The following CTNNA3 variants were observed in gnomAD, a reference collection of about 807,000 sequenced individuals.
CTNNA3 encodes catenin alpha-3.
In CTNNA3, 76 loss-of-function variants were observed where a neutral mutation model predicts 95.7. The observed-to-expected ratio is 0.79, with a 90% CI of 0.66 to 0.96. CTNNA3 has a LOEUF of 0.96. CTNNA3 is among the 40% of genes least tolerant of loss of function. The pLI is 0.00. For synonymous variants in CTNNA3, 431 were observed against 374.4 expected (o/e 1.15, Z -1.74); for missense variants, 1,191 against 1,089.8 (o/e 1.09, Z -1.31).
chr10:67,193,940 A>G lies in CTNNA3; in HGVS notation c.844-13420T>C, dbSNP rs1470614531. 2.0e-5 allele frequency among the ~76,000 whole-genome samples: 3 copies of G among 152,150 alleles called. No individual in the cohort carries two copies. In the East Asian group the frequency reaches 5.8e-4, roughly 29 times the overall value. On this transcript the variant is annotated intron_variant, in intron 6 of 17. Coordinates refer to ENST00000433211, the MANE Select transcript of CTNNA3 (RefSeq NM_013266.4). ...TTTAGGCTCCCACTAGCTGTGTATAAGTGTTCCCTTTGCTCCACAACCTCG... is the reference window on the plus strand; with the variant it reads ...TTTAGGCTCCCACTAGCTGTGTATAGGTGTTCCCTTTGCTCCACAACCTCG...
chr10:66,029,296 T>C (rs560117140), intron 15 of CTNNA3, among the ~76,000 whole-genome samples: 23 of 152,060 alleles, frequency 1.5e-4, no homozygotes, highest in Non-Finnish European at 3.4e-4. Context: ...TCCCCTGAAA[T>C]AGAGGAAAAG....
chr10:67,043,483 A>G (rs551300561), intron 7 of CTNNA3, among the ~76,000 whole-genome samples: 78 of 152,228 alleles, frequency 5.1e-4, no homozygotes, highest in African/African-American at 1.8e-3. Flanking sequence ...GCTGCATGTC[A>G]TTTAGCTCTT....
intron 5 of CTNNA3, among the ~76,000 whole-genome samples, chr10:67,290,697 T>G (rs1421958179): frequency 1.3e-5 from 2 of 152,178 alleles, no homozygotes; most frequent in Non-Finnish European, 2.9e-5. Flanking sequence ...CAAAGATGTC[T>G]GACTCCAGAG....
intron 7 of CTNNA3, among the ~76,000 whole-genome samples, chr10:67,150,764 T>C (rs1434420750): frequency 6.6e-6 from 1 of 152,180 alleles, no homozygotes; most frequent in African/African-American, 2.4e-5. Context: ...GATTCCATTA[T>C]CTGTATGCAC....
At chr10:67,569,310 C>T (rs1841910688) in intron 3 of CTNNA3, among the ~76,000 whole-genome samples, 1 of 152,030 alleles carries the variant, frequency 6.6e-6, no homozygotes, top group Non-Finnish European at 1.5e-5. Flanking sequence ...ATAGCCATTC[C>T]AATTTGAGTT....
At chr10:66,693,295 GGCAGGGGTT>G (rs1272441258) in intron 9 of CTNNA3, among the ~76,000 whole-genome samples, 4 of 149,114 alleles carry the variant, frequency 2.7e-5, no homozygotes, top group Non-Finnish European at 4.4e-5. Flanking sequence ...AACAAAAAAA[GGCAGGGGTT>G]GCAATCCTAG....
At chr10:66,672,664 G>A (rs572902662) in intron 9 of CTNNA3, among the ~76,000 whole-genome samples, 40 of 152,160 alleles carry the variant, frequency 2.6e-4, no homozygotes, top group Admixed American at 7.9e-4. Flanking sequence ...GAGAGGAGAC[G>A]TAAATTACCT....
chr10:67,700,514 A>G (rs375101850), upstream of CTNNA3, among the ~76,000 whole-genome samples: 286 of 152,338 alleles, frequency 1.9e-3, 14 homozygotes, highest in South Asian at 0.057. Flanking sequence ...TCCAGCAAAC[A>G]GGGTCTGGAG....
chr10:66,563,982 C>T (rs982748506), intron 10 of CTNNA3, among the ~76,000 whole-genome samples: 2 of 152,104 alleles, frequency 1.3e-5, no homozygotes, highest in African/African-American at 2.4e-5. Context: ...TCATGTCTCC[C>T]GAAAATGTAT....
At chr10:66,541,908 A>C (rs1841865897) in intron 10 of CTNNA3, among the ~76,000 whole-genome samples, 1 of 152,160 alleles carries the variant, frequency 6.6e-6, no homozygotes, top group African/African-American at 2.4e-5. Context: ...TAAACTAAAG[A>C]GCTTTTGCAC....
intron 10 of CTNNA3, among the ~76,000 whole-genome samples, chr10:66,598,783 TG>T (rs1321281490): frequency 6.6e-6 from 1 of 152,060 alleles, no homozygotes; most frequent in Non-Finnish European, 1.5e-5. Context: ...CTGTGTTCAA[TG>T]ATTGGAAGAA....
At chr10:67,354,936 C>T (rs978002562) in intron 5 of CTNNA3, among the ~76,000 whole-genome samples, 2 of 151,894 alleles carry the variant, frequency 1.3e-5, no homozygotes, top group African/African-American at 2.4e-5. Context: ...GTTTCCTACA[C>T]CTATGTGTAG....
At chr10:66,842,325 G>T (rs757912593) in intron 7 of CTNNA3, among the ~76,000 whole-genome samples, 8 of 151,892 alleles carry the variant, frequency 5.3e-5, no homozygotes, top group Non-Finnish European at 1.0e-4. Flanking sequence ...CAGATGAAAA[G>T]AATTACTACA....
intron 7 of CTNNA3, among the ~76,000 whole-genome samples, chr10:66,950,807 T>A (rs1284059357): frequency 6.6e-6 from 1 of 152,176 alleles, no homozygotes; most frequent in East Asian, 1.9e-4. Flanking sequence ...CCACACTGTG[T>A]GAGGGGCATA....
chr10:67,581,243 A>T (rs1005761708), intron 3 of CTNNA3, among the ~76,000 whole-genome samples: 1 of 152,130 alleles, frequency 6.6e-6, no homozygotes, highest in Non-Finnish European at 1.5e-5. Flanking sequence ...ATCAACACCT[A>T]GTTTATTGAG....
chr10:67,711,935 A>G (rs1172916128), intron 1 of CTNNA3, among the ~76,000 whole-genome samples: 3 of 152,098 alleles, frequency 2.0e-5, no homozygotes, highest in Non-Finnish European at 4.4e-5. Context: ...ATGGCTGCAT[A>G]GTATTCCAAA....
At chr10:66,647,061 A>G (rs190665750) in intron 9 of CTNNA3, among the ~76,000 whole-genome samples, 2 of 152,286 alleles carry the variant, frequency 1.3e-5, no homozygotes, top group South Asian at 4.2e-4. Flanking sequence ...AGACTCCATG[A>G]GAAGCTTATA....
At chr10:67,443,075 T>C (rs1325564936) in intron 5 of CTNNA3, among the ~76,000 whole-genome samples, 1 of 150,424 alleles carries the variant, frequency 6.6e-6, no homozygotes, top group Admixed American at 6.6e-5. Flanking sequence ...AATAGTTTAC[T>C]GAGAATGATG....
At chr10:67,663,116 CT>C (rs1840236302) in intron 1 of CTNNA3, among the ~76,000 whole-genome samples, 1 of 152,114 alleles carries the variant, frequency 6.6e-6, no homozygotes, top group South Asian at 2.1e-4. Context: ...TACCTAACTT[CT>C]TAATAGTATT....
Sources: gnomAD v4.1 joint callset for allele counts (sites outside exome capture counted in the v4.1 genomes callset) on GRCh38, gnomAD v4.1.1 for gene constraint, MANE v1.5 for transcripts, NCBI Gene and HGNC (gene_info 2026-07-23, HGNC 2026-07-21) for gene names.